Variants in MMP24 observed in about 807,000 individuals in gnomAD.
MMP24 encodes the protein matrix metalloproteinase-24.
Under a neutral mutation model 62.8 loss-of-function variants are expected in MMP24, and 25 were observed. The observed-to-expected ratio is 0.40, with a 90% CI of 0.29 to 0.56. MMP24 has a LOEUF of 0.56. Among genes scored for constraint, MMP24 ranks in the 20% least tolerant of loss-of-function variants. The pLI, the probability that MMP24 is intolerant of heterozygous loss-of-function variation, is 0.50. For missense variants in MMP24, 634 were observed against 853.6 expected (o/e 0.74, Z 3.21); for synonymous variants, 319 against 350.5 (o/e 0.91, Z 1.00).
intron 1 of MMP24, among the ~76,000 whole-genome samples, chr20:35,231,017 T>A (rs1289071384): frequency 6.6e-6 from 1 of 152,226 alleles, no homozygotes; most frequent in Admixed American, 6.5e-5. Context: ...CTTTCTTTTT[T>A]ATCTTACACA....
chr20:35,266,840 T>G (rs2060638019), intron 5 of MMP24, among the ~76,000 whole-genome samples: 1 of 151,628 alleles, frequency 6.6e-6, no homozygotes, highest in African/African-American at 2.4e-5. Context: ...GGGTGACGGG[T>G]AGAAGCTGCA....
At chr20:35,242,926 C>G (rs1270474874) in intron 1 of MMP24, among the ~76,000 whole-genome samples, 1 of 152,106 alleles carries the variant, frequency 6.6e-6, no homozygotes, top group Non-Finnish European at 1.5e-5. Context: ...GCCTGTAATC[C>G]CAGCACTTTG....
intron 1 of MMP24, 35 bp downstream of exon 1, chr20:35,227,019 G>T (rs2060416661): frequency 1.0e-6 from 1 of 980,196 alleles, no homozygotes. Context: ...GCGCGGGCTC[G>T]GGGCATCCGG....
intron 2 of MMP24, among the ~76,000 whole-genome samples, chr20:35,248,836 G>A (rs753636860): frequency 3.9e-5 from 6 of 152,144 alleles, no homozygotes; most frequent in Non-Finnish European, 8.8e-5. Context: ...TTATTTTGAG[G>A]GCTTTGCACA....
At chr20:35,243,560 A>G (rs1279139949) in intron 1 of MMP24, among the ~76,000 whole-genome samples, 3 of 152,108 alleles carry the variant, frequency 2.0e-5, no homozygotes, top group African/African-American at 7.3e-5. Flanking sequence ...TGGGCACTGG[A>G]TGATTAAGCT....
rs77629234 is a variant in MMP24, at chr20:35,259,578, A to G, written c.818-4213A>G. Among the ~76,000 whole-genome samples, 546 of 152,324 alleles carry G rather than the reference A, an allele frequency of 3.6e-3. 5 individuals carry two copies. The highest frequency in any genetic ancestry group is 0.013 in the African/African-American group (524 of 41,576). Reference sequence around the variant, plus strand: ...TCCTGGAAGACAGGCATGGAGCTGAACTTTGAAGGAATCAGGTTATTCCAG... The same window carrying G: ...TCCTGGAAGACAGGCATGGAGCTGAGCTTTGAAGGAATCAGGTTATTCCAG... On this transcript the variant is annotated intron_variant, in intron 4 of 8. Coordinates refer to ENST00000246186, the MANE Select transcript of MMP24 (RefSeq NM_006690.4).
At chr20:35,250,877 C>T (rs1004496296) in intron 2 of MMP24, among the ~76,000 whole-genome samples, 2 of 152,140 alleles carry the variant, frequency 1.3e-5, no homozygotes, top group African/African-American at 4.8e-5. Context: ...CACCAGGCCC[C>T]GCCTCCAACA....
At chr20:35,258,829 G>C (rs1050950255) in intron 4 of MMP24, among the ~76,000 whole-genome samples, 1 of 151,400 alleles carries the variant, frequency 6.6e-6, no homozygotes, top group Non-Finnish European at 1.5e-5. Context: ...GATTGCCTAC[G>C]TCCCAAACCA....
intron 4 of MMP24, among the ~76,000 whole-genome samples, chr20:35,256,741 G>A (rs78065949): frequency 2.3e-3 from 222 of 96,814 alleles, no homozygotes; most frequent in Non-Finnish European, 3.0e-3. Context: ...AAAAAAAAAA[G>A]ACTGCAGATT....
chr20:35,261,263 G>A (rs893126475), intron 4 of MMP24, among the ~76,000 whole-genome samples: 5 of 152,144 alleles, frequency 3.3e-5, no homozygotes, highest in Admixed American at 2.0e-4. Flanking sequence ...GGTTGCTGGC[G>A]CTCCACTGGC....
Position 35,272,235 on chromosome 20 carries a change from A to T in MMP24, c.1600+400A>T, listed in dbSNP as rs1057066043. On this transcript the variant is annotated intron_variant, in intron 8 of 8. Transcript: ENST00000246186. ...GATGGAAAGAAAACCTTCAAAAAAAATTTTTTTTTAAATTCTAAGAGATAA... is the reference window on the plus strand; with the variant it reads ...GATGGAAAGAAAACCTTCAAAAAAATTTTTTTTTTAAATTCTAAGAGATAA... The T allele has an allele frequency of 2.7e-4, 114 of 422,604 alleles. 3 individuals carry two copies. The highest frequency in any genetic ancestry group is 2.5e-4 in the South Asian group (3 of 12,028). The allele number at this position is 422,604 out of a possible 1,614,324, so 26.2% of individuals were successfully genotyped here.
chr20:35,235,786 C>T (rs2060460197), intron 1 of MMP24, among the ~76,000 whole-genome samples: 1 of 152,110 alleles, frequency 6.6e-6, no homozygotes, highest in Non-Finnish European at 1.5e-5. Flanking sequence ...TCTTAACTCA[C>T]CAAGAAGTCG....
At chr20:35,261,494 G>A (rs1208472067) in intron 4 of MMP24, among the ~76,000 whole-genome samples, 3 of 152,184 alleles carry the variant, frequency 2.0e-5, no homozygotes, top group Non-Finnish European at 4.4e-5. Flanking sequence ...CTGGCAGGGG[G>A]AATGAAGGTA....
chr20:35,245,688 A>T (rs1025272193), intron 1 of MMP24, among the ~76,000 whole-genome samples: 1 of 151,776 alleles, frequency 6.6e-6, no homozygotes, highest in Non-Finnish European at 1.5e-5. Flanking sequence ...ACCTCAAGTG[A>T]TCCTCCCGCC....
chr20:35,245,951 CAT>C lies in MMP24; in HGVS notation c.247-888_247-887del, dbSNP rs774143009. On this transcript the variant is annotated intron_variant, in intron 1 of 8. Coordinates refer to ENST00000246186, the MANE Select transcript of MMP24 (RefSeq NM_006690.4). ...CCTTTCTAGATTTTTTCTATGCACA[CAT>C]GATTTATTTATATTTAAATAAGATC... Among the ~76,000 whole-genome samples the C allele has an allele frequency of 3.9e-4, 60 of 152,028 alleles. 1 individual carries two copies. The highest frequency in any genetic ancestry group is 1.9e-4 in the East Asian group (1 of 5,196).
intron 1 of MMP24, among the ~76,000 whole-genome samples, chr20:35,244,183 A>G (rs1317597499): frequency 2.0e-5 from 3 of 152,220 alleles, no homozygotes; most frequent in African/African-American, 7.2e-5. Context: ...ATGAAACAAA[A>G]GCTATAGCTA....
rs757147073 is a variant in MMP24 at position 35,276,149 on chromosome 20, G to A, written c.*1540G>A. ...CCCTGTGGTCTCTGGGATTGGGGTC[G>A]GCTTACCCTGTAGCACAGACAGGGA... On this transcript the variant is annotated 3_prime_UTR_variant, in exon 9 of 9. Coordinates refer to ENST00000246186, the MANE Select transcript of MMP24 (RefSeq NM_006690.4). 1.0e-4 allele frequency: 40 copies of A among 398,684 alleles called. No individual in the cohort carries two copies. Among genetic ancestry groups the A allele is most frequent in the Middle Eastern group, 6.3e-4 (1 of 1,588 alleles). The allele number at this position is 398,684 out of a possible 1,614,324, so 24.7% of individuals were successfully genotyped here.
At chr20:35,247,727 C>T (rs1419580955) in intron 2 of MMP24, among the ~76,000 whole-genome samples, 1 of 152,104 alleles carries the variant, frequency 6.6e-6, no homozygotes, top group African/African-American at 2.4e-5. Flanking sequence ...GTGGGGTGGT[C>T]AGTGGGGCCA....
chr20:35,265,329 C>A (rs1170912212), intron 5 of MMP24, among the ~76,000 whole-genome samples: 5 of 152,036 alleles, frequency 3.3e-5, no homozygotes, highest in Admixed American at 6.5e-5. Context: ...ATAATCCCAG[C>A]TACTTGGGAG....
Sources: gnomAD v4.1 joint callset for allele counts (sites outside exome capture counted in the v4.1 genomes callset) on GRCh38, gnomAD v4.1.1 for gene constraint, MANE v1.5 for transcripts, NCBI Gene and HGNC (gene_info 2026-07-23, HGNC 2026-07-21) for gene names.